The following MRAS variants were observed in gnomAD, a reference collection of about 807,000 sequenced individuals.
The protein encoded by MRAS is ras-related protein M-Ras.
In MRAS, 4 loss-of-function variants were observed where a neutral mutation model predicts 20.9. That is an observed-to-expected ratio of 0.19 (90% CI 0.09 to 0.44). The LOEUF (loss-of-function observed/expected upper bound fraction) is 0.44. MRAS is among the 20% of genes least tolerant of loss of function. MRAS has a pLI of 0.99. For missense variants in MRAS, 154 were observed against 277.5 expected (o/e 0.56, Z 3.16); for synonymous variants, 98 against 102.9 (o/e 0.95, Z 0.29).
At chr3:138,349,351 A>G (rs1273694230) in intron 1 of MRAS, 1 of 152,536 alleles carries the variant, frequency 6.6e-6, no homozygotes, top group African/African-American at 2.4e-5. Flanking sequence ...TGCGGGGAAG[A>G]CAAGAGCACA....
At chr3:138,386,416 C>T (rs73227593) in intron 2 of MRAS, among the ~76,000 whole-genome samples, 26 of 152,146 alleles carry the variant, frequency 1.7e-4, no homozygotes, top group African/African-American at 6.0e-4. Context: ...TTTACAGGTT[C>T]GTGCTGCTGC....
At chr3:138,372,650 G>A (rs559940509) in intron 1 of MRAS, among the ~76,000 whole-genome samples, 6 of 152,248 alleles carry the variant, frequency 3.9e-5, no homozygotes, top group African/African-American at 1.4e-4. Flanking sequence ...GCACATAATT[G>A]GTGTTGAATA....
intron 3 of MRAS, 147 bp downstream of exon 3, chr3:138,397,624 CA>C: frequency 3.1e-6 from 3 of 967,638 alleles, no homozygotes; most frequent in Non-Finnish European, 3.0e-6. Flanking sequence ...GTAATTAAAT[CA>C]TTTGAAATCT....
At chr3:138,387,779 G>C (rs990614856) in intron 2 of MRAS, among the ~76,000 whole-genome samples, 2 of 152,228 alleles carry the variant, frequency 1.3e-5, no homozygotes, top group Non-Finnish European at 2.9e-5. Flanking sequence ...GTTCCTCTAA[G>C]AATCCCACAG....
At chr3:138,366,351 C>G (rs1259761264) in intron 1 of MRAS, among the ~76,000 whole-genome samples, 1 of 152,224 alleles carries the variant, frequency 6.6e-6, no homozygotes, top group Non-Finnish European at 1.5e-5. Flanking sequence ...CATTCACTTT[C>G]CTAAGAGCTC....
intron 1 of MRAS, among the ~76,000 whole-genome samples, chr3:138,350,595 G>A (rs971260531): frequency 2.0e-5 from 3 of 152,140 alleles, no homozygotes; most frequent in African/African-American, 7.2e-5. Flanking sequence ...TGTCTCCAGC[G>A]TTGTCAGCTT....
chr3:138,368,499 AG>A (rs1336043297), intron 1 of MRAS, among the ~76,000 whole-genome samples: 3 of 152,188 alleles, frequency 2.0e-5, no homozygotes, highest in Non-Finnish European at 4.4e-5. Context: ...AATTTGCCCA[AG>A]GTCACTCAAC....
chr3:138,402,813 G>A lies in MRAS; in HGVS notation c.*544G>A, dbSNP rs1248918785. ...CTGGTAACATATCTGGAATATTGTTGTTGTTTTTTAACCGAGTTTTCCCAT... is the reference window on the plus strand; with the variant it reads ...CTGGTAACATATCTGGAATATTGTTATTGTTTTTTAACCGAGTTTTCCCAT... On this transcript the variant is annotated 3_prime_UTR_variant, in exon 6 of 6. Coordinates refer to ENST00000423968, the MANE Select transcript of MRAS (RefSeq NM_001085049.3). 1 of 152,564 alleles carries A rather than the reference G, an allele frequency of 6.6e-6. No homozygotes were observed. Among genetic ancestry groups the A allele is most frequent in the Non-Finnish European group, 1.5e-5 (1 of 68,044 alleles). The allele number at this position is 152,564 out of a possible 1,614,324, so 9.5% of individuals were successfully genotyped here.
At chr3:138,376,575 T>C (rs1042769531) in intron 2 of MRAS, among the ~76,000 whole-genome samples, 1 of 152,228 alleles carries the variant, frequency 6.6e-6, no homozygotes, top group African/African-American at 2.4e-5. Flanking sequence ...TTTGATGTGC[T>C]AGCTATATTA....
intron 1 of MRAS, among the ~76,000 whole-genome samples, chr3:138,363,077 C>T (rs2054483958): frequency 6.6e-6 from 1 of 151,734 alleles, no homozygotes; most frequent in African/African-American, 2.4e-5. Context: ...TGCTCTGTTG[C>T]CCAGGCTTGA....
At chr3:138,377,477 G>A (rs563912791) in intron 2 of MRAS, among the ~76,000 whole-genome samples, 12 of 152,334 alleles carry the variant, frequency 7.9e-5, no homozygotes, top group Non-Finnish European at 1.2e-4. Flanking sequence ...GCCTGGTGGC[G>A]CCTGTCATCT....
intron 2 of MRAS, among the ~76,000 whole-genome samples, chr3:138,379,081 G>A (rs1311307273): frequency 1.3e-5 from 2 of 151,996 alleles, no homozygotes; most frequent in East Asian, 3.8e-4. Flanking sequence ...ATGAATTATT[G>A]TTAACTATAA....
chr3:138,349,173 C>T (rs886325916), intron 1 of MRAS: 3 of 152,152 alleles, frequency 2.0e-5, no homozygotes, highest in African/African-American at 7.2e-5. Flanking sequence ...GAGGGATCCG[C>T]CAGGGAGTTG....
In MRAS at chr3:138,405,179, A is replaced by G. The variant is rs117881934; in HGVS notation, c.*2910A>G. ...CTTCTCATGGCACTTGCTGTGGAAAATGCCTGGCTGGCCTCGTGGGGCCTG... is the reference window on the plus strand; with the variant it reads ...CTTCTCATGGCACTTGCTGTGGAAAGTGCCTGGCTGGCCTCGTGGGGCCTG... On this transcript the variant is annotated 3_prime_UTR_variant, in exon 6 of 6. Coordinates refer to ENST00000423968, the MANE Select transcript of MRAS (RefSeq NM_001085049.3). 6.5e-6 allele frequency: 1 copy of G among 152,760 alleles called. No individual in the cohort carries two copies. Among genetic ancestry groups the G allele is most frequent in the East Asian group, 1.9e-4 (1 of 5,172 alleles). 9.5% of individuals were successfully genotyped at this position (152,760 alleles called of 1,614,324 possible).
rs898120324 is a variant in MRAS, at chr3:138,380,375, C to T, written c.193+7299C>T. 7.9e-5 allele frequency among the ~76,000 whole-genome samples: 12 copies of T among 152,106 alleles called. No individual in the cohort carries two copies. In the Middle Eastern group the frequency reaches 0.01, roughly 129 times the overall value. ...TCACCCAGGCCGGAATGCAGTGGTG[C>T]GATCTCGGTTCACTGCAACCTCCGC... On this transcript the variant is annotated intron_variant, in intron 2 of 5. Coordinates refer to ENST00000423968, the MANE Select transcript of MRAS (RefSeq NM_001085049.3).
chr3:138,350,867 C>T (rs2054212788), intron 1 of MRAS, among the ~76,000 whole-genome samples: 1 of 148,048 alleles, frequency 6.8e-6, no homozygotes, highest in South Asian at 2.1e-4. Flanking sequence ...TGCTTAAGCC[C>T]AGAAGGCAGA....
At chr3:138,358,600 C>T (rs2054382827) in intron 1 of MRAS, among the ~76,000 whole-genome samples, 1 of 152,248 alleles carries the variant, frequency 6.6e-6, no homozygotes, top group South Asian at 2.1e-4. Context: ...AGTACCTTCT[C>T]TGTGCCAGAT....
chr3:138,353,905 A>G (rs1299920961), intron 1 of MRAS, among the ~76,000 whole-genome samples: 4 of 152,250 alleles, frequency 2.6e-5, no homozygotes, highest in Non-Finnish European at 5.9e-5. Flanking sequence ...GAATCTGGCC[A>G]TGGTCTGTCT....
At chr3:138,380,251 T>G (rs1400901842) in intron 2 of MRAS, among the ~76,000 whole-genome samples, 1 of 152,154 alleles carries the variant, frequency 6.6e-6, no homozygotes, top group Non-Finnish European at 1.5e-5. Flanking sequence ...TATTAATCCC[T>G]TGCCCCTTAA....
Sources: gnomAD v4.1 joint callset for allele counts (sites outside exome capture counted in the v4.1 genomes callset) on GRCh38, gnomAD v4.1.1 for gene constraint, MANE v1.5 for transcripts, NCBI Gene and HGNC (gene_info 2026-07-23, HGNC 2026-07-21) for gene names.